Variants in PCDHA2 observed in about 807,000 individuals in gnomAD.
The protein encoded by PCDHA2 is protocadherin alpha-2.
A neutral mutation model predicts 66.0 loss-of-function variants in PCDHA2; 58 were observed. That is an observed-to-expected ratio of 0.88 (90% confidence interval 0.71 to 1.09). The LOEUF is 1.09. PCDHA2 is among the 50% of genes least tolerant of loss of function. The pLI is 0.00. For synonymous variants in PCDHA2, 634 were observed against 554.0 expected (o/e 1.14, Z -2.03); for missense variants, 1,267 against 1,242.3 (o/e 1.02, Z -0.30).
intron 1 of PCDHA2, among the ~76,000 whole-genome samples, chr5:140,925,578 A>G (rs1378824182): frequency 6.6e-6 from 1 of 151,838 alleles, no homozygotes; most frequent in African/African-American, 2.4e-5. Flanking sequence ...GCACACCAAC[A>G]TGGCGCATGT....
At chr5:140,806,259 G>A (rs1043589600) in intron 1 of PCDHA2, among the ~76,000 whole-genome samples, 1 of 152,104 alleles carries the variant, frequency 6.6e-6, no homozygotes, top group Non-Finnish European at 1.5e-5. Context: ...ATTGGAAGCA[G>A]GAAATATTCA....
intron 1 of PCDHA2, chr5:140,808,084 T>C (rs371031734): frequency 3.1e-6 from 5 of 1,613,938 alleles, no homozygotes; most frequent in Middle Eastern, 1.6e-4. Flanking sequence ...ATCCAATTAC[T>C]GGACAAATTA....
At chr5:140,800,989 A>C in intron 1 of PCDHA2, 1 of 1,373,692 alleles carries the variant, frequency 7.3e-7, no homozygotes, top group Non-Finnish European at 9.4e-7. Context: ...TTTAATACTT[A>C]CACGTTTAGC....
intron 1 of PCDHA2, chr5:140,857,591 A>C: frequency 6.3e-7 from 1 of 1,596,270 alleles, no homozygotes; most frequent in Non-Finnish European, 8.6e-7. Flanking sequence ...GGAGAGCGGC[A>C]AGGTGTACGC....
chr5:140,802,874 C>A, intron 1 of PCDHA2: 2 of 1,613,730 alleles, frequency 1.2e-6, no homozygotes, highest in Non-Finnish European at 1.7e-6. Flanking sequence ...TGGACGAGAA[C>A]GACAACGCGC....
intron 1 of PCDHA2, chr5:140,928,231 CA>C: frequency 6.2e-7 from 1 of 1,614,226 alleles, no homozygotes; most frequent in Non-Finnish European, 8.5e-7. Flanking sequence ...AAACTTTCCT[CA>C]ACCCCAGCAG....
In PCDHA2 at chr5:140,823,155, C is replaced by G. The variant is rs142802947; in HGVS notation, c.2388+25803C>G. On this transcript the variant is annotated intron_variant, in intron 1 of 3. Transcript: ENST00000526136. ...CGGCGTTCGCGCAGCCCCAGTATAC[C>G]GTGTTCGTGAAGGAGAACAACCCGC... The G allele has an allele frequency of 1.5e-5, 25 of 1,613,718 alleles. No individual in the cohort carries two copies. In the Admixed American group the frequency reaches 4.0e-4, roughly 26 times the overall value.
At chr5:140,825,903 A>G (rs1486709697) in intron 1 of PCDHA2, 1 of 152,468 alleles carries the variant, frequency 6.6e-6, no homozygotes, top group Non-Finnish European at 1.5e-5. Flanking sequence ...TGTATGTTTG[A>G]GACTACGCTA....
chr5:140,992,460 G>T (rs1554252924), intron 3 of PCDHA2, among the ~76,000 whole-genome samples: 1 of 152,170 alleles, frequency 6.6e-6, no homozygotes, highest in African/African-American at 2.4e-5. Context: ...GCAGAGGACA[G>T]TACTCTTTAG....
At chr5:140,807,124 T>C in intron 1 of PCDHA2, 1 of 1,547,934 alleles carries the variant, frequency 6.5e-7, no homozygotes, top group Non-Finnish European at 8.8e-7. Context: ...GACTGACCGA[T>C]TAAAAGATTT....
At chr5:140,961,646 T>C (rs554070301) in intron 1 of PCDHA2, among the ~76,000 whole-genome samples, 19 of 152,328 alleles carry the variant, frequency 1.2e-4, no homozygotes, top group African/African-American at 4.6e-4. Flanking sequence ...TAAGTCTATG[T>C]GGTTAGTTTG....
rs1562156062 is a variant in PCDHA2 at position 140,795,928 on chromosome 5, G to A, written c.964G>A (p.Ala322Thr). The change falls in exon 1 of 4, where the codon GCA (alanine) becomes ACA (threonine). Residue 322 changes from alanine (A) to threonine (T), a missense_variant. By Grantham distance (58) the Ala-to-Thr change is moderately conservative (BLOSUM62 0). Coordinates refer to ENST00000526136, the MANE Select transcript of PCDHA2 (RefSeq NM_018905.3). ...AAAGTCCTACGAGATTCAGGTCACT[G>A]CAACTGACAAAGGAACCCCTTCAAT... ...EAKSYEIQVT[A>T]TDKGTPSMSG... The A allele has an allele frequency of 3.1e-6, 5 of 1,613,978 alleles. No homozygotes were observed. The highest frequency in any genetic ancestry group is 3.4e-6 in the Non-Finnish European group (4 of 1,179,920).
At chr5:140,978,914 C>T (rs2096828574) in intron 1 of PCDHA2, 35 bp from the exon 2 acceptor site, 5 of 1,613,852 alleles carry the variant, frequency 3.1e-6, no homozygotes, top group Non-Finnish European at 3.4e-6. Flanking sequence ...ATTGTCTTGT[C>T]ATTTTAACAG....
chr5:140,862,826 G>A lies in PCDHA2; in HGVS notation c.2388+65474G>A, dbSNP rs112986835. ...CTGCTGCAGTTCTAGGTGAGAGCGCGCGACGCGGGCATGCCGCCTCTGAGC... is the reference window on the plus strand; with the variant it reads ...CTGCTGCAGTTCTAGGTGAGAGCGCACGACGCGGGCATGCCGCCTCTGAGC... On this transcript the variant is annotated intron_variant, in intron 1 of 3. Coordinates refer to ENST00000526136, the MANE Select transcript of PCDHA2 (RefSeq NM_018905.3). The A allele has an allele frequency of 1.9e-3, 1,106 of 575,060 alleles. 11 individuals carry two copies. Among genetic ancestry groups the A allele is most frequent in the African/African-American group, 0.019 (990 of 53,212 alleles). The allele number at this position is 575,060 out of a possible 1,614,324, so 35.6% of individuals were successfully genotyped here.
At chr5:140,925,114 G>T (rs1341892158) in intron 1 of PCDHA2, among the ~76,000 whole-genome samples, 2 of 151,122 alleles carry the variant, frequency 1.3e-5, no homozygotes, top group East Asian at 3.9e-4. Context: ...AGGAGGGAAG[G>T]AAGGAAGGAA....
At chr5:140,852,838 C>A in intron 1 of PCDHA2, 1 of 968,954 alleles carries the variant, frequency 1.0e-6, no homozygotes, top group Non-Finnish European at 1.2e-6. Context: ...CTCCTTAGAG[C>A]TAGTACTTAC....
intron 1 of PCDHA2, chr5:140,822,841 C>T: frequency 1.9e-6 from 3 of 1,614,204 alleles, no homozygotes; most frequent in Non-Finnish European, 2.5e-6. Flanking sequence ...CACCCTTTTC[C>T]TGCCTGTCAA....
At chr5:140,835,454 C>G (rs2150236138) in intron 1 of PCDHA2, 5 of 1,613,928 alleles carry the variant, frequency 3.1e-6, no homozygotes, top group Non-Finnish European at 4.2e-6. Context: ...CCCTGTCTCT[C>G]CCTATTCCAG....
intron 3 of PCDHA2, among the ~76,000 whole-genome samples, chr5:140,985,392 C>T (rs1329580146): frequency 6.6e-6 from 1 of 152,172 alleles, no homozygotes; most frequent in Non-Finnish European, 1.5e-5. Context: ...CCAGTCACCC[C>T]AACTGTTCCC....
Sources: allele counts gnomAD v4.1 joint callset (sites outside exome capture counted in the v4.1 genomes callset), GRCh38; gene constraint gnomAD v4.1.1; transcripts MANE v1.5; gene names NCBI Gene and HGNC (gene_info 2026-07-23, HGNC 2026-07-21).